The following TGFBI variants were observed in gnomAD, a reference collection of about 807,000 sequenced individuals.
TGFBI encodes the protein transforming growth factor-beta-induced protein ig-h3.
TGFBI carries 50 observed loss-of-function variants against 73.7 expected under a neutral mutation model. The observed-to-expected ratio is 0.68, with a 90% CI of 0.54 to 0.86. The LOEUF (loss-of-function observed/expected upper bound fraction) is 0.86. TGFBI is among the 40% of genes least tolerant of loss of function. The pLI is 0.00. For missense variants in TGFBI, 839 were observed against 877.0 expected (o/e 0.96, Z 0.55); for synonymous variants, 362 against 360.5 (o/e 1.00, Z -0.05).
chr5:136,035,557 G>A (rs1316551524), intron 2 of TGFBI, among the ~76,000 whole-genome samples: 8 of 151,002 alleles, frequency 5.3e-5, no homozygotes, highest in South Asian at 4.2e-4. Flanking sequence ...CCTGGGAGGC[G>A]GAGCTTGCAG....
intron 8 of TGFBI, 103 bp downstream of exon 8, chr5:136,053,222 C>T (rs1751570022): frequency 9.5e-7 from 1 of 1,057,278 alleles, no homozygotes; most frequent in African/African-American, 1.6e-5. Flanking sequence ...GGGCGACTTC[C>T]CTGCCTGGAC....
At chr5:136,033,707 T>C (rs1314117361) in intron 1 of TGFBI, 56 bp from the exon 2 acceptor site, 9 of 1,486,252 alleles carry the variant, frequency 6.1e-6, no homozygotes, top group Non-Finnish European at 7.5e-6. Context: ...ATGGGAGTCA[T>C]TAAAGTGGGG....
rs374678658 is a variant in TGFBI, at chr5:136,046,382, A to G, written c.346A>G (p.Thr116Ala). The change falls in exon 4 of 17, where the codon ACC (threonine) becomes GCC (alanine). Residue 116 changes from threonine to alanine, a missense_variant. By Grantham distance (58) the Thr-to-Ala change is moderately conservative. Coordinates refer to ENST00000442011, the MANE Select transcript of TGFBI (RefSeq NM_000358.3). ...CGAGACCCTGGGAGTCGTTGGATCC[A>G]CCACCACTCAGCTGTACACGGACCG... ...LYETLGVVGS[T>A]TTQLYTDRTE... The G allele has an allele frequency of 3.7e-6, 6 of 1,613,780 alleles. No homozygotes were observed. In the African/African-American group the frequency reaches 8.0e-5, roughly 22 times the overall value.
chr5:136,040,735 A>G (rs1276724268), intron 2 of TGFBI, among the ~76,000 whole-genome samples: 1 of 152,248 alleles, frequency 6.6e-6, no homozygotes, highest in African/African-American at 2.4e-5. Flanking sequence ...GATTAGATTC[A>G]GAAACCAACA....
chr5:136,049,507 G>T lies in TGFBI; in HGVS notation c.840G>T (p.Pro280=). Residue 280 remains proline, a synonymous_variant, in exon 7 of 17, where the codon CCG becomes CCT. Transcript: ENST00000442011. ...EGNGQYTLLA[P]TNEAFEKIPS... is the part of the protein sequence containing the mutation. ...ACGGCCAGTACACGCTTTTGGCCCC[G>T]ACCAATGAGGCCTTCGAGAAGATCC... 6.2e-7 allele frequency: 1 copy of T among 1,613,944 alleles called. No homozygotes were observed. The highest frequency in any genetic ancestry group is 8.5e-7 in the Non-Finnish European group (1 of 1,179,878).
intron 7 of TGFBI, among the ~76,000 whole-genome samples, chr5:136,050,607 C>T (rs572252704): frequency 1.6e-4 from 25 of 152,310 alleles, no homozygotes; most frequent in African/African-American, 3.1e-4. Context: ...ATGCAGGGTA[C>T]GCCCCAGGTC....
At chr5:136,051,607 G>A (rs1348707221) in intron 7 of TGFBI, among the ~76,000 whole-genome samples, 1 of 152,200 alleles carries the variant, frequency 6.6e-6, no homozygotes, top group Non-Finnish European at 1.5e-5. Flanking sequence ...GAAGGAAGAG[G>A]TCCTTGCCCC....
At chr5:136,057,500 G>T (rs1419064077) in intron 12 of TGFBI, among the ~76,000 whole-genome samples, 1 of 152,214 alleles carries the variant, frequency 6.6e-6, no homozygotes, top group East Asian at 1.9e-4. Context: ...GCCTGTGTTG[G>T]GAGGATTAAA....
chr5:136,029,072 G>A lies in TGFBI; in HGVS notation c.17G>A (p.Arg6Gln), dbSNP rs1443186402. 6.5e-7 allele frequency: 1 copy of A among 1,527,624 alleles called. No homozygotes were observed. The highest frequency in any genetic ancestry group is 1.2e-5 in the South Asian group (1 of 83,262). 94.6% of individuals were successfully genotyped at this position (1,527,624 alleles called of 1,614,324 possible). The change falls in exon 1 of 17, where the codon CGG (arginine) becomes CAG (glutamine). Residue 6 changes from arginine to glutamine, a missense_variant. Coordinates refer to ENST00000442011, the MANE Select transcript of TGFBI (RefSeq NM_000358.3). ...TCCCGCTCCATGGCGCTCTTCGTGC[G>A]GCTGCTGGCTCTCGCCCTGGCTCTG... MALFV[R>Q]LLALALALAL...
chr5:136,056,518 C>A (rs1751634368), intron 11 of TGFBI, 147 bp from the exon 12 acceptor site: 1 of 968,024 alleles, frequency 1.0e-6, no homozygotes, highest in Admixed American at 2.4e-5. Flanking sequence ...ATACGGAGGG[C>A]ATGAAAACCA....
rs770847660 is a variant in TGFBI, at chr5:136,061,525, T to G, written c.1932T>G (p.Asp644Glu). ...PPANRPQERG[D>E]ELADSALEIF... ...CCAACAGACCTCAGGAAAGAGGGGA[T>G]GAACTTGCAGACTCTGCGCTTGAGA... Residue 644 changes from aspartate (D) to glutamate (E), a missense_variant, in exon 15 of 17, where the codon GAT becomes GAG. Physicochemically the swap from Asp to Glu is conservative, Grantham distance 45 (BLOSUM62 2). Coordinates refer to ENST00000442011, the MANE Select transcript of TGFBI (RefSeq NM_000358.3). 1.2e-6 allele frequency: 2 copies of G among 1,610,662 alleles called. No homozygotes were observed. Among genetic ancestry groups the G allele is most frequent in the East Asian group, 4.5e-5 (2 of 44,790 alleles).
At chr5:136,031,153 TC>T (rs1331833376) in intron 1 of TGFBI, among the ~76,000 whole-genome samples, 1 of 152,184 alleles carries the variant, frequency 6.6e-6, no homozygotes, top group Non-Finnish European at 1.5e-5. Context: ...AGCACCCCTG[TC>T]CCAGTAGAAT....
At chr5:136,033,700 G>A (rs181344324) in intron 1 of TGFBI, 63 bp from the exon 2 acceptor site, 2 of 1,392,310 alleles carry the variant, frequency 1.4e-6, no homozygotes, top group East Asian at 2.3e-5. Context: ...AAACACGATG[G>A]GAGTCATTAA....
chr5:136,039,480 G>A (rs552204886), intron 2 of TGFBI, among the ~76,000 whole-genome samples: 15 of 152,296 alleles, frequency 9.8e-5, no homozygotes, highest in Admixed American at 8.5e-4. Context: ...CAAACCTGTG[G>A]CTGTGGGTCC....
intron 10 of TGFBI, 195 bp downstream of exon 10, chr5:136,055,056 C>G (rs889258368): frequency 3.0e-6 from 2 of 670,704 alleles, no homozygotes; most frequent in Admixed American, 2.9e-5. Context: ...TTTCTGGAGG[C>G]CTTTGAGAAT....
At chr5:136,048,873 C>A (rs1399510055) in intron 6 of TGFBI, 2 of 153,124 alleles carry the variant, frequency 1.3e-5, no homozygotes, top group Non-Finnish European at 2.9e-5. Flanking sequence ...GGAAAGAGTG[C>A]ATCTCCATCC....
intron 7 of TGFBI, among the ~76,000 whole-genome samples, chr5:136,051,009 C>G (rs958640370): frequency 6.6e-6 from 1 of 152,190 alleles, no homozygotes; most frequent in Non-Finnish European, 1.5e-5. Context: ...GACAGAGATA[C>G]TCACAGCACA....
At chr5:136,050,881 T>A (rs1457113702) in intron 7 of TGFBI, among the ~76,000 whole-genome samples, 2 of 152,140 alleles carry the variant, frequency 1.3e-5, no homozygotes, top group Non-Finnish European at 2.9e-5. Context: ...TGGCCGGCAC[T>A]GGGGACAGAG....
intron 2 of TGFBI, among the ~76,000 whole-genome samples, chr5:136,042,448 C>G (rs549962858): frequency 1.3e-5 from 2 of 152,338 alleles, no homozygotes; most frequent in Admixed American, 1.3e-4. Context: ...AGCACTGTTT[C>G]TCTTACACCA....
Sources: allele counts gnomAD v4.1 joint callset (sites outside exome capture counted in the v4.1 genomes callset), GRCh38; gene constraint gnomAD v4.1.1; transcripts MANE v1.5; gene names NCBI Gene and HGNC (gene_info 2026-07-23, HGNC 2026-07-21).